Variants in CACNA1A observed in about 807,000 individuals in gnomAD.
CACNA1A encodes the protein voltage-dependent P/Q-type calcium channel subunit alpha-1A.
In CACNA1A, 57 loss-of-function variants were observed where a neutral mutation model predicts 262.4. The observed-to-expected ratio is 0.22, with a 90% CI of 0.18 to 0.27. The LOEUF (loss-of-function observed/expected upper bound fraction) is 0.27. Among genes scored for constraint, CACNA1A ranks in the 10% least tolerant of loss-of-function variants. The pLI is 1.00. For synonymous variants in CACNA1A, 1,431 were observed against 1,419.3 expected, an observed-to-expected ratio of 1.01 and a Z score of -0.18; for missense variants, 2,526 against 3,562.8, an observed-to-expected ratio of 0.71 and a Z score of 7.41.
At chr19:13,351,996 T>C (rs552982144) in intron 6 of CACNA1A, among the ~76,000 whole-genome samples, 2 of 152,216 alleles carry the variant, frequency 1.3e-5, no homozygotes, top group African/African-American at 4.8e-5. Context: ...TTAGTGTGAC[T>C]CTCTCGACAG....
At chr19:13,298,261 G>A (rs1244893845) in intron 19 of CACNA1A, among the ~76,000 whole-genome samples, 1 of 151,324 alleles carries the variant, frequency 6.6e-6, no homozygotes, top group African/African-American at 2.4e-5. Flanking sequence ...CTCCTGAGTA[G>A]CTGGGGCTAC....
At chr19:13,349,363 A>G (rs1458470634) in intron 6 of CACNA1A, among the ~76,000 whole-genome samples, 1 of 152,050 alleles carries the variant, frequency 6.6e-6, no homozygotes, top group Non-Finnish European at 1.5e-5. Context: ...GGGGGCAACC[A>G]AGAGAGGGTA....
rs192235478 is a variant in CACNA1A at position 13,329,692 on chromosome 19, C to T, written c.1345+552G>A. Among the ~76,000 whole-genome samples, 341 of 151,424 alleles carry T rather than the reference C, an allele frequency of 2.3e-3. 1 individual carries two copies. The highest frequency in any genetic ancestry group is 3.8e-3 in the Non-Finnish European group (255 of 67,864). On this transcript the variant is annotated intron_variant, in intron 10 of 46. Transcript: ENST00000360228. Reference sequence around the variant, plus strand: ...TTCACCATGTTGGCCAGGCTGGTCTCGAACTCCCGACATCAGGTGATCCGC... The same window carrying T: ...TTCACCATGTTGGCCAGGCTGGTCTTGAACTCCCGACATCAGGTGATCCGC...
At chr19:13,504,234 TG>T (rs1277069569) in intron 1 of CACNA1A, among the ~76,000 whole-genome samples, 2 of 152,282 alleles carry the variant, frequency 1.3e-5, no homozygotes, top group East Asian at 3.9e-4. Flanking sequence ...AGCACTTCAA[TG>T]GGCCTGGGAT....
intron 1 of CACNA1A, among the ~76,000 whole-genome samples, chr19:13,496,091 C>G (rs79561376): frequency 9.3e-6 from 1 of 107,776 alleles, no homozygotes; most frequent in African/African-American, 6.5e-5. Flanking sequence ...CATCCATCCA[C>G]CCAGACATCC....
At chr19:13,322,959 C>T (rs183475721) in intron 10 of CACNA1A, among the ~76,000 whole-genome samples, 11 of 152,244 alleles carry the variant, frequency 7.2e-5, no homozygotes, top group Admixed American at 3.3e-4. Flanking sequence ...TTCAACAAAC[C>T]TCATTTGTCT....
intron 3 of CACNA1A, among the ~76,000 whole-genome samples, chr19:13,413,100 G>GTT (rs143741127): frequency 2.6e-5 from 3 of 114,786 alleles, no homozygotes; most frequent in Non-Finnish European, 1.6e-5. Context: ...AAAGTTTTTT[G>GTT]TTTTTTTTTT....
intron 24 of CACNA1A, among the ~76,000 whole-genome samples, chr19:13,267,955 G>T (rs1033607761): frequency 6.6e-6 from 1 of 151,860 alleles, no homozygotes; most frequent in African/African-American, 2.4e-5. Flanking sequence ...AGAGACGGGG[G>T]TCTCATTATG....
At chr19:13,360,474 ATTTTTTTT>A (rs58721308) in intron 5 of CACNA1A, among the ~76,000 whole-genome samples, 144 of 126,250 alleles carry the variant, frequency 1.1e-3, no homozygotes, top group African/African-American at 4.5e-3. Flanking sequence ...TGCCACTAGA[ATTTTTTTT>A]TTTTTTTTTT....
intron 6 of CACNA1A, among the ~76,000 whole-genome samples, chr19:13,349,203 A>G (rs2058856464): frequency 6.6e-6 from 1 of 152,090 alleles, no homozygotes; most frequent in Non-Finnish European, 1.5e-5. Context: ...TGGGGTTAAA[A>G]ATATCTTTCC....
chr19:13,298,617 G>A lies in CACNA1A; in HGVS notation c.3016C>T (p.Arg1006Trp), dbSNP rs757026025. ...TCGTACGTGGCTGGAGCGCCATGCC[G>A]GTGCCTTCTCCTGCGCTCGCCCCCG... Reference protein sequence around the residue: ...PDGGERRRRHRHGAPATYEGD... With the variant: ...PDGGERRRRHWHGAPATYEGD... Residue 1006 changes from arginine (R) to tryptophan (W), a missense_variant, in exon 19 of 47, where the codon CGG (arginine) becomes TGG (tryptophan). Arg to Trp is a moderately radical substitution (Grantham distance 101). Around this residue, in one of 17 missense-constraint regions of CACNA1A, gnomAD observed 765 missense variants for 748.6 expected, o/e 1.02. Coordinates refer to ENST00000360228, the MANE Select transcript of CACNA1A (RefSeq NM_001127222.2). The A allele has an allele frequency of 4.6e-5, 71 of 1,535,224 alleles. 1 individual carries two copies. In the African/African-American group the frequency reaches 7.7e-4, roughly 17 times the overall value.
At chr19:13,454,741 T>C (rs180841587) in intron 2 of CACNA1A, among the ~76,000 whole-genome samples, 1 of 152,186 alleles carries the variant, frequency 6.6e-6, no homozygotes, top group East Asian at 1.9e-4. Context: ...GATGCCAAAG[T>C]GGGCAGTTTG....
chr19:13,501,659 C>T (rs1982391772), intron 1 of CACNA1A, among the ~76,000 whole-genome samples: 1 of 152,186 alleles, frequency 6.6e-6, no homozygotes, highest in Admixed American at 6.5e-5. Flanking sequence ...AACAAGACAA[C>T]TTCCATACAC....
In CACNA1A at chr19:13,298,443, AT is replaced by A. The variant is rs1312712339; in HGVS notation, c.3089+100del. 1.0e-4 allele frequency: 118 copies of A among 1,163,116 alleles called. 1 individual carries two copies. The highest frequency in any genetic ancestry group is 9.1e-4 in the Middle Eastern group (4 of 4,378). 72.0% of individuals were successfully genotyped at this position (1,163,116 alleles called of 1,614,324 possible). A position where few individuals can be genotyped will look rare whatever the true frequency, so the allele number is the denominator to read the frequency against. On this transcript the variant is annotated intron_variant, in intron 19 of 46. Coordinates refer to ENST00000360228, the MANE Select transcript of CACNA1A (RefSeq NM_001127222.2). Reference sequence around the variant, plus strand: ...TGCGCCTGGCCAAATACAGCATTTTATAATATATTTTTATAAACAAATACAC... The same window carrying A: ...TGCGCCTGGCCAAATACAGCATTTTAAATATATTTTTATAAACAAATACAC...
intron 1 of CACNA1A, among the ~76,000 whole-genome samples, chr19:13,478,346 G>A (rs769125606): frequency 1.3e-5 from 2 of 152,104 alleles, no homozygotes; most frequent in Non-Finnish European, 2.9e-5. Flanking sequence ...TTTACAGACA[G>A]GGTCTCACTC....
At chr19:13,357,903 A>C (rs1167811802) in intron 6 of CACNA1A, among the ~76,000 whole-genome samples, 2 of 152,048 alleles carry the variant, frequency 1.3e-5, no homozygotes, top group African/African-American at 2.4e-5. Context: ...GCTACTCAGG[A>C]GGCTGGGGTG....
chr19:13,421,816 G>T (rs1335299881), intron 3 of CACNA1A, among the ~76,000 whole-genome samples: 1 of 152,088 alleles, frequency 6.6e-6, no homozygotes, highest in Non-Finnish European at 1.5e-5. Flanking sequence ...TTTTATTATA[G>T]CCACCTGAGA....
At position 13,495,801 on chromosome 19, in the gene CACNA1A, C is replaced by T. The variant is rs144028632; in HGVS notation, c.293+10131G>A. Among the ~76,000 whole-genome samples the T allele has an allele frequency of 3.9e-5, 6 of 152,134 alleles. No homozygotes were observed. In the East Asian group the frequency reaches 1.2e-3, roughly 29 times the overall value. On this transcript the variant is annotated intron_variant, in intron 1 of 46. Coordinates refer to ENST00000360228, the MANE Select transcript of CACNA1A (RefSeq NM_001127222.2). ...CCACTCATCCACCCATCCAGTCATC[C>T]ATATTTTTACCCCTCAATCCAGTCT...
At chr19:13,247,344 A>T (rs998236609) in intron 30 of CACNA1A, among the ~76,000 whole-genome samples, 1 of 152,188 alleles carries the variant, frequency 6.6e-6, no homozygotes, top group Non-Finnish European at 1.5e-5. Context: ...CTGAGCATGG[A>T]ATATACAGTA....
Sources: allele counts gnomAD v4.1 joint callset (sites outside exome capture counted in the v4.1 genomes callset), GRCh38; gene constraint gnomAD v4.1.1; regional missense constraint gnomAD v4.1.1; transcripts MANE v1.5; gene names NCBI Gene and HGNC (gene_info 2026-07-23, HGNC 2026-07-21).